IFTAP: variants seen among roughly 807,000 people sequenced by gnomAD.
IFTAP encodes the protein intraflagellar transport associated protein.
IFTAP carries 19 observed loss-of-function variants against 19.4 expected under a neutral mutation model. The ratio of observed to expected loss-of-function variants is 0.98; its 90% confidence interval spans 0.68 to 1.44. The LOEUF is 1.44. IFTAP is among the 40% of genes most tolerant of loss of function. IFTAP has a pLI of 0.00. For missense variants in IFTAP, 240 were observed against 253.6 expected, an observed-to-expected ratio of 0.95 and a Z score of 0.36; for synonymous variants, 85 against 83.5, an observed-to-expected ratio of 1.02 and a Z score of -0.10.
In IFTAP at chr11:36,642,721, G is replaced by A. The variant is rs921193918; in HGVS notation, c.359-5295G>A. Among the ~76,000 whole-genome samples, 8 of 152,018 alleles carry A rather than the reference G, an allele frequency of 5.3e-5. No individual in the cohort carries two copies. In the East Asian group the frequency reaches 5.8e-4, roughly 11 times the overall value. ...GTTCAACATACGCAAATCAATAAAC[G>A]TAATCCAGCATATGAACAGAACCAA... On this transcript the variant is annotated intron_variant, in intron 4 of 5. Coordinates refer to ENST00000334307, the MANE Select transcript of IFTAP (RefSeq NM_138787.4).
At chr11:36,623,363 C>T (rs575160780) in intron 2 of IFTAP, among the ~76,000 whole-genome samples, 1 of 151,172 alleles carries the variant, frequency 6.6e-6, no homozygotes, top group South Asian at 2.1e-4. Flanking sequence ...TACTCCCCCC[C>T]CCACTCAAAG....
intron 2 of IFTAP, among the ~76,000 whole-genome samples, chr11:36,614,712 G>A (rs1852006214): frequency 6.7e-6 from 1 of 148,434 alleles, no homozygotes; most frequent in African/African-American, 2.5e-5. Flanking sequence ...CTGCATAAAT[G>A]TCTTCTTTTG....
intron 1 of IFTAP, 61 bp from the exon 2 acceptor site, chr11:36,610,020 A>G: frequency 2.0e-6 from 3 of 1,473,400 alleles, no homozygotes; most frequent in Non-Finnish European, 2.8e-6. Context: ...CCCATCCAGA[A>G]TATTTTCAAA....
chr11:36,614,850 G>T lies in IFTAP; in HGVS notation c.136+4611G>T, dbSNP rs955319356. 2.2e-4 allele frequency among the ~76,000 whole-genome samples: 33 copies of T among 148,312 alleles called. 2 individuals carry two copies. The highest frequency in any genetic ancestry group is 7.9e-4 in the African/African-American group (31 of 39,316). ...TGTCAGATGAGTAGATTGCAAAAAT[G>T]TTCTCCCATTTTGTAGGTTGCCTGT... On this transcript the variant is annotated intron_variant, in intron 2 of 5. Coordinates refer to ENST00000334307, the MANE Select transcript of IFTAP (RefSeq NM_138787.4).
intron 4 of IFTAP, among the ~76,000 whole-genome samples, chr11:36,643,829 C>T (rs1853342793): frequency 6.6e-6 from 1 of 152,194 alleles, no homozygotes; most frequent in African/African-American, 2.4e-5. Flanking sequence ...CTTCCTTACA[C>T]CTTGTACAAA....
intron 2 of IFTAP, among the ~76,000 whole-genome samples, chr11:36,627,649 G>A (rs922233014): frequency 2.6e-5 from 4 of 151,282 alleles, no homozygotes; most frequent in African/African-American, 7.4e-5. Context: ...TTCTGGAGCC[G>A]TAGGAGGCTA....
At chr11:36,643,480 T>A (rs575841050) in intron 4 of IFTAP, among the ~76,000 whole-genome samples, 2 of 152,068 alleles carry the variant, frequency 1.3e-5, no homozygotes, top group African/African-American at 2.4e-5. Flanking sequence ...ACTTTCTTCA[T>A]ATAATTGGAA....
At chr11:36,620,800 T>TA (rs1782838644) in intron 2 of IFTAP, among the ~76,000 whole-genome samples, 1 of 151,942 alleles carries the variant, frequency 6.6e-6, no homozygotes, top group South Asian at 2.1e-4. Flanking sequence ...ACATGGGAAT[T>TA]AAAAATATGT....
intron 2 of IFTAP, among the ~76,000 whole-genome samples, chr11:36,627,774 C>T (rs763414622): frequency 6.6e-6 from 1 of 150,850 alleles, no homozygotes; most frequent in Non-Finnish European, 1.5e-5. Flanking sequence ...CCTCTTGGCA[C>T]CAAACTGTTT....
chr11:36,617,524 T>G (rs1852138305), intron 2 of IFTAP, among the ~76,000 whole-genome samples: 1 of 151,980 alleles, frequency 6.6e-6, no homozygotes, highest in Admixed American at 6.6e-5. Context: ...GATTCTGATG[T>G]ACCACTAGTT....
intron 4 of IFTAP, among the ~76,000 whole-genome samples, chr11:36,640,774 T>A (rs1315344243): frequency 1.3e-5 from 2 of 152,224 alleles, no homozygotes; most frequent in African/African-American, 4.8e-5. Flanking sequence ...TATTAACTAA[T>A]GTGATTTTTA....
chr11:36,651,171 A>G (rs1853708006), intron 5 of IFTAP, among the ~76,000 whole-genome samples: 1 of 152,312 alleles, frequency 6.6e-6, no homozygotes, highest in South Asian at 2.1e-4. Flanking sequence ...CAGTCCCACC[A>G]ACAGTGTAAA....
intron 2 of IFTAP, among the ~76,000 whole-genome samples, chr11:36,624,580 T>G (rs2133425894): frequency 6.6e-6 from 1 of 152,190 alleles, no homozygotes; most frequent in East Asian, 1.9e-4. Flanking sequence ...TACCCACCTT[T>G]CCTAAACTGT....
chr11:36,641,287 A>T (rs1245743799), intron 4 of IFTAP, among the ~76,000 whole-genome samples: 2 of 152,156 alleles, frequency 1.3e-5, no homozygotes, highest in African/African-American at 4.8e-5. Context: ...TTATTTTAAT[A>T]TGTAATTTGA....
At chr11:36,604,565 A>T (rs1227828549) in intron 1 of IFTAP, among the ~76,000 whole-genome samples, 1 of 152,076 alleles carries the variant, frequency 6.6e-6, no homozygotes, top group Non-Finnish European at 1.5e-5. Context: ...ATATATAATG[A>T]TGTAATATGT....
intron 5 of IFTAP, among the ~76,000 whole-genome samples, chr11:36,654,908 CA>C (rs1853912310): frequency 6.6e-6 from 1 of 152,144 alleles, no homozygotes; most frequent in Admixed American, 6.6e-5. Flanking sequence ...TTATCCCACT[CA>C]AATCTACCTT....
intron 4 of IFTAP, among the ~76,000 whole-genome samples, chr11:36,639,852 G>A (rs16926234): frequency 0.34 from 51,375 of 151,986 alleles, 10,809 homozygotes; most frequent in East Asian, 0.63. Context: ...TTTTTAGTCC[G>A]TTAATGAGCA....
chr11:36,620,994 A>G (rs1852268297), intron 2 of IFTAP, among the ~76,000 whole-genome samples: 1 of 152,062 alleles, frequency 6.6e-6, no homozygotes, highest in Admixed American at 6.6e-5. Flanking sequence ...ACAGAATGAA[A>G]GAGAACTACT....
chr11:36,652,466 G>T (rs773973423), intron 5 of IFTAP, among the ~76,000 whole-genome samples: 2 of 152,178 alleles, frequency 1.3e-5, no homozygotes, highest in Non-Finnish European at 2.9e-5. Context: ...AGACGATGGG[G>T]TTTTCTAGAT....
Sources: gnomAD v4.1 joint callset for allele counts (sites outside exome capture counted in the v4.1 genomes callset) on GRCh38, gnomAD v4.1.1 for gene constraint, MANE v1.5 for transcripts, NCBI Gene and HGNC (gene_info 2026-07-23, HGNC 2026-07-21) for gene names.